The following WNT2B variants were observed in gnomAD, a reference collection of about 807,000 sequenced individuals.
WNT2B encodes the protein protein Wnt-2b.
A neutral mutation model predicts 40.5 loss-of-function variants in WNT2B; 19 were observed. The ratio of observed to expected loss-of-function variants is 0.47; its 90% CI spans 0.33 to 0.69. The LOEUF (loss-of-function observed/expected upper bound fraction) is 0.69. Among genes scored for constraint, WNT2B ranks in the 30% least tolerant of loss-of-function variants. WNT2B has a pLI of 0.02. For missense variants in WNT2B, 467 were observed against 556.4 expected (o/e 0.84, Z 1.62); for synonymous variants, 220 against 211.9 (o/e 1.04, Z -0.33).
Position 112,515,386 on chromosome 1 carries a change from G to A in WNT2B, c.403+292G>A, listed in dbSNP as rs1652489422. 6.6e-6 allele frequency among the ~76,000 whole-genome samples: 1 copy of A among 152,098 alleles called. No individual in the cohort carries two copies. The highest frequency in any genetic ancestry group is 1.9e-4 in the East Asian group (1 of 5,200). On this transcript the variant is annotated intron_variant, in intron 2 of 4. Transcript: ENST00000369684. The surrounding 1 kb of genome is among the most constrained non-coding windows in gnomAD (Gnocchi z 4.4). ...TTGTCCTCCCCAATCCCCAGCTTGG[G>A]AGGCTACCATGTACTGTAAGGCTGA...
At chr1:112,510,761 G>T (rs1477915576) in intron 1 of WNT2B, among the ~76,000 whole-genome samples, 1 of 151,740 alleles carries the variant, frequency 6.6e-6, no homozygotes, top group Admixed American at 6.6e-5. Flanking sequence ...CTGGTTGGGG[G>T]AACAGAGAGG....
Position 112,522,836 on chromosome 1 carries a change from T to C in WNT2B, c.*2327T>C, listed in dbSNP as rs1652956475. On this transcript the variant is annotated 3_prime_UTR_variant, in exon 5 of 5. Transcript: ENST00000369684. ...GAGTCAGGCCAAGAGAATGTCTTCC[T>C]TCAGAATGGAGTCAACTGGATAACT... 1 of 152,172 alleles carries C rather than the reference T, an allele frequency of 6.6e-6. No homozygotes were observed. The highest frequency in any genetic ancestry group is 2.4e-5 in the African/African-American group (1 of 41,400). 9.4% of individuals were successfully genotyped at this position (152,172 alleles called of 1,614,324 possible). A position where few individuals can be genotyped will look rare whatever the true frequency, so the allele number is the denominator to read the frequency against.
At chr1:112,504,852 A>C (rs2101077154), upstream of WNT2B, among the ~76,000 whole-genome samples, 1 of 152,138 alleles carries the variant, frequency 6.6e-6, no homozygotes, top group Admixed American at 6.5e-5. Flanking sequence ...GAAAAAGAGA[A>C]GGTCATCGCC....
rs1004872913 is a variant in WNT2B, at chr1:112,524,434, C to T, written c.*3925C>T. 2.6e-5 allele frequency: 4 copies of T among 152,800 alleles called. No homozygotes were observed. Among genetic ancestry groups the T allele is most frequent in the African/African-American group, 7.2e-5 (3 of 41,438 alleles). 9.5% of individuals were successfully genotyped at this position (152,800 alleles called of 1,614,324 possible). ...GCACCAGAGAACAATGTGATGCATT[C>T]CTGGGCAGGTCGGTGGGACCCTGGG... On this transcript the variant is annotated 3_prime_UTR_variant, in exon 5 of 5. Transcript: ENST00000369684.
chr1:112,470,749 C>T (rs1013932274), intron 1 of WNT2B, among the ~76,000 whole-genome samples: 1 of 152,110 alleles, frequency 6.6e-6, no homozygotes, highest in African/African-American at 2.4e-5. Flanking sequence ...CCCACTTGGG[C>T]TCCTGGTGGC....
At chr1:112,496,881 G>A (rs1651792134) in intron 1 of WNT2B, among the ~76,000 whole-genome samples, 1 of 152,198 alleles carries the variant, frequency 6.6e-6, no homozygotes, top group South Asian at 2.1e-4. Flanking sequence ...TTACAGGCGT[G>A]AGCCACTGTG....
chr1:112,515,637 G>A lies in WNT2B; in HGVS notation c.404-503G>A, dbSNP rs1386769447. Among the ~76,000 whole-genome samples the A allele has an allele frequency of 6.6e-6, 1 of 152,184 alleles. No individual in the cohort carries two copies. Among genetic ancestry groups the A allele is most frequent in the Non-Finnish European group, 1.5e-5 (1 of 68,034 alleles). On this transcript the variant is annotated intron_variant, in intron 2 of 4. Transcript: ENST00000369684. The surrounding 1 kb of genome is among the most constrained non-coding windows in gnomAD (Gnocchi z 4.4). ...CTGGAGGTGTCAGGCATACAGGGGC[G>A]ATAATTCATCAGTCTCCAAGAGCAG... is the stretch of plus-strand genomic sequence containing the variant.
intron 1 of WNT2B, among the ~76,000 whole-genome samples, chr1:112,481,522 T>C (rs1159979894): frequency 6.6e-6 from 1 of 152,172 alleles, no homozygotes; most frequent in African/African-American, 2.4e-5. Context: ...TTTCACCTTC[T>C]TTTCAACATA....
rs1433276043 is a variant in WNT2B at position 112,520,300 on chromosome 1, C to T, written c.967C>T (p.Arg323Cys). The part of the protein sequence containing the change: ...KAAGSLGTAG[R>C]VCSKTSKGTD... ...CCCAGGTTCCCTAGGCACTGCAGGC[C>T]GTGTCTGCAGCAAGACATCAAAAGG... The change falls in exon 5 of 5, where the codon CGT becomes TGT. Residue 323 changes from arginine (R) to cysteine (C), a missense_variant. Arg to Cys is a radical substitution (Grantham distance 180). This residue lies in a region of WNT2B where 330 missense variants were observed against 438.6 expected (regional missense o/e 0.75). Transcript: ENST00000369684. 6.2e-7 allele frequency: 1 copy of T among 1,613,982 alleles called. No homozygotes were observed. Among genetic ancestry groups the T allele is most frequent in the South Asian group, 1.1e-5 (1 of 91,032 alleles).
chr1:112,475,851 C>G (rs1248969805), intron 1 of WNT2B, among the ~76,000 whole-genome samples: 1 of 152,088 alleles, frequency 6.6e-6, no homozygotes, highest in Non-Finnish European at 1.5e-5. Context: ...GCCTAAACAA[C>G]TCAATTAAAG....
intron 4 of WNT2B, chr1:112,517,679 C>T (rs1481044759): frequency 2.0e-5 from 7 of 346,540 alleles, no homozygotes; most frequent in Non-Finnish European, 3.2e-5. Flanking sequence ...AACTTAGTTA[C>T]CTGTTTTCAG....
chr1:112,505,427 A>G (rs1290294048), upstream of WNT2B, among the ~76,000 whole-genome samples: 1 of 152,236 alleles, frequency 6.6e-6, no homozygotes, highest in Non-Finnish European at 1.5e-5. Flanking sequence ...GTGCTCAGTA[A>G]GTGCTGACTT....
chr1:112,467,863 A>C (rs1487933684), intron 1 of WNT2B, among the ~76,000 whole-genome samples: 1 of 152,214 alleles, frequency 6.6e-6, no homozygotes, highest in African/African-American at 2.4e-5. Context: ...ATTGTTGCCA[A>C]GTATAGTCAC....
chr1:112,520,246 A>G (rs1652794950), intron 4 of WNT2B, 34 bp from the exon 5 acceptor site: 2 of 1,590,248 alleles, frequency 1.3e-6, no homozygotes, highest in East Asian at 4.5e-5. Context: ...TGAAGAGATA[A>G]CTTTGTTCTC....
intron 1 of WNT2B, among the ~76,000 whole-genome samples, chr1:112,510,232 ATGTCTCG>A (rs1400078713): frequency 6.6e-6 from 1 of 151,986 alleles, no homozygotes; most frequent in Non-Finnish European, 1.5e-5. Context: ...GATCCACTGG[ATGTCTCG>A]TGTCTGTTCT....
At chr1:112,504,425 T>G (rs1386433189), upstream of WNT2B, among the ~76,000 whole-genome samples, 1 of 152,142 alleles carries the variant, frequency 6.6e-6, no homozygotes, top group Non-Finnish European at 1.5e-5. Flanking sequence ...GGTTTGGAGC[T>G]GGATGCTCCT....
At position 112,495,415 on chromosome 1, in the gene WNT2B, A is replaced by C. The variant is rs956558652; in HGVS notation, c.-94-19459A>C. Among the ~76,000 whole-genome samples the C allele has an allele frequency of 5.3e-4, 81 of 151,928 alleles. 2 individuals are homozygous for C. Among genetic ancestry groups the C allele is most frequent in the Non-Finnish European group, 5.9e-5 (4 of 68,002 alleles). ...CATGGTGAAACCCCCGTCTCTACTA[A>C]AAATACAAAAAAAACAAAAAAAAAT... On this transcript the variant is annotated intron_variant, in intron 1 of 4. Transcript: ENST00000256640.
chr1:112,479,027 C>G (rs562526561), intron 1 of WNT2B, among the ~76,000 whole-genome samples: 1 of 152,130 alleles, frequency 6.6e-6, no homozygotes, highest in South Asian at 2.1e-4. Flanking sequence ...TTGAGACCAG[C>G]CAGACCAACA....
intron 1 of WNT2B, among the ~76,000 whole-genome samples, chr1:112,510,518 C>A (rs1652312185): frequency 6.6e-6 from 1 of 152,148 alleles, no homozygotes; most frequent in Non-Finnish European, 1.5e-5. Flanking sequence ...AATGTGGTCT[C>A]TTCTCTCCTT....
Sources: gnomAD v4.1 joint callset for allele counts (sites outside exome capture counted in the v4.1 genomes callset) on GRCh38, gnomAD v4.1.1 for gene constraint, gnomAD v4.1.1 regional missense constraint, Gnocchi (gnomAD v3.1) non-coding constraint, MANE v1.5 for transcripts, NCBI Gene and HGNC (gene_info 2026-07-23, HGNC 2026-07-21) for gene names.